The following AFAP1 variants were observed in gnomAD, a reference collection of about 807,000 sequenced individuals.
AFAP1 encodes actin filament associated protein 1, also known as actin filament-associated protein 1.
AFAP1 carries 75 observed loss-of-function variants against 93.9 expected under a neutral mutation model. The observed-to-expected ratio is 0.80, with a 90% CI of 0.66 to 0.97. The LOEUF is 0.97. Among genes scored for constraint, AFAP1 ranks in the 50% least tolerant of loss-of-function variants. AFAP1 has a pLI of 0.00. For synonymous variants in AFAP1, 517 were observed against 430.7 expected, an observed-to-expected ratio of 1.20 and a Z score of -2.48; for missense variants, 1,201 against 1,050.8, an observed-to-expected ratio of 1.14 and a Z score of -1.98.
intron 3 of AFAP1, 60 bp downstream of exon 3, chr4:7,868,562 G>C: frequency 1.3e-6 from 2 of 1,490,264 alleles, no homozygotes. Context: ...GGCCCCTGGA[G>C]CCCGTAAGTA....
chr4:7,919,301 T>C (rs951409141), intron 1 of AFAP1, among the ~76,000 whole-genome samples: 2 of 152,228 alleles, frequency 1.3e-5, no homozygotes, highest in African/African-American at 2.4e-5. Flanking sequence ...GCCACAATCC[T>C]AGCAGCACGC....
At chr4:7,811,417 C>T (rs980979111) in intron 8 of AFAP1, among the ~76,000 whole-genome samples, 20 of 152,122 alleles carry the variant, frequency 1.3e-4, no homozygotes, top group African/African-American at 4.6e-4. Context: ...CTCCTAAACC[C>T]TTCCTCTGCA....
chr4:7,775,736 G>A (rs1274266012), intron 14 of AFAP1: 2 of 152,220 alleles, frequency 1.3e-5, no homozygotes, highest in African/African-American at 2.4e-5. Flanking sequence ...AACAGGGCAC[G>A]AATCCCTCTG....
At chr4:7,862,301 C>T (rs544408767) in intron 3 of AFAP1, 86 of 151,758 alleles carry the variant, frequency 5.7e-4, no homozygotes, top group African/African-American at 1.9e-3. Flanking sequence ...CCACTGCACT[C>T]CAGCCTAAGC....
chr4:7,798,293 G>T (rs113128565), intron 10 of AFAP1, among the ~76,000 whole-genome samples: 1 of 127,260 alleles, frequency 7.9e-6, no homozygotes, highest in African/African-American at 3.1e-5. Flanking sequence ...GCTGGCTCAC[G>T]GCATTGCAAC....
chr4:7,899,620 A>G (rs1387066306), intron 1 of AFAP1, among the ~76,000 whole-genome samples: 1 of 152,166 alleles, frequency 6.6e-6, no homozygotes, highest in Non-Finnish European at 1.5e-5. Flanking sequence ...CTCTGATAAC[A>G]TCTCTTCCAT....
intron 6 of AFAP1, among the ~76,000 whole-genome samples, chr4:7,831,476 T>A (rs1031312227): frequency 1.3e-5 from 2 of 152,028 alleles, no homozygotes; most frequent in African/African-American, 4.8e-5. Context: ...GTGCCTCTGA[T>A]CTATAAGTAG....
At chr4:7,838,483 T>G in intron 6 of AFAP1, 41 bp downstream of exon 6, 1 of 1,568,390 alleles carries the variant, frequency 6.4e-7, no homozygotes. Flanking sequence ...CAGAAAGGCA[T>G]GTGGAACTGA....
intron 3 of AFAP1, among the ~76,000 whole-genome samples, chr4:7,859,019 C>G (rs1715382887): frequency 6.6e-6 from 1 of 152,240 alleles, no homozygotes; most frequent in South Asian, 2.1e-4. Context: ...TCACTCAACT[C>G]TCCGTCACTA....
chr4:7,906,781 G>A (rs1306240598), intron 1 of AFAP1, among the ~76,000 whole-genome samples: 2 of 152,220 alleles, frequency 1.3e-5, no homozygotes, highest in Admixed American at 6.5e-5. Flanking sequence ...AGCACTTTGG[G>A]AAGCCAAGGC....
At chr4:7,833,002 T>A (rs982448395) in intron 6 of AFAP1, among the ~76,000 whole-genome samples, 3 of 152,034 alleles carry the variant, frequency 2.0e-5, no homozygotes, top group African/African-American at 7.3e-5. Flanking sequence ...AAAAACCAAC[T>A]CAAGATGGAT....
At chr4:7,882,518 A>T (rs1419794855) in intron 1 of AFAP1, among the ~76,000 whole-genome samples, 1 of 152,180 alleles carries the variant, frequency 6.6e-6, no homozygotes, top group Non-Finnish European at 1.5e-5. Context: ...AAATTTTAGC[A>T]AACAGAAGCC....
At chr4:7,878,273 G>T (rs564203994) in intron 1 of AFAP1, among the ~76,000 whole-genome samples, 14 of 152,128 alleles carry the variant, frequency 9.2e-5, no homozygotes, top group Non-Finnish European at 1.8e-4. Context: ...GCAGGTGTAG[G>T]ACACCCACGT....
At chr4:7,898,205 T>C (rs1718898399) in intron 1 of AFAP1, among the ~76,000 whole-genome samples, 1 of 151,852 alleles carries the variant, frequency 6.6e-6, no homozygotes, top group Non-Finnish European at 1.5e-5. Context: ...AGGTCAGGAG[T>C]TCGAGACCAG....
intron 9 of AFAP1, among the ~76,000 whole-genome samples, chr4:7,806,678 T>C (rs1280065514): frequency 6.6e-6 from 1 of 151,824 alleles, no homozygotes; most frequent in Non-Finnish European, 1.5e-5. Flanking sequence ...CCCCTTTATT[T>C]TTCTAAAAGC....
In AFAP1 at chr4:7,828,244, G is replaced by A. The variant is rs1157481982; in HGVS notation, c.727-9073C>T. 3.3e-5 allele frequency among the ~76,000 whole-genome samples: 5 copies of A among 152,222 alleles called. No individual in the cohort carries two copies. The East Asian group carries it at 5.8e-4, about 18-fold the overall frequency. ...CAAGATGCTAAGAAATCCCTATAGC[G>A]TCGCCCCCACGCCCCCCGGCTGGCT... On this transcript the variant is annotated intron_variant, in intron 6 of 17. Coordinates refer to ENST00000420658, the MANE Select transcript of AFAP1 (RefSeq NM_001134647.2).
chr4:7,930,985 C>T (rs1285953624), intron 1 of AFAP1, among the ~76,000 whole-genome samples: 1 of 152,164 alleles, frequency 6.6e-6, no homozygotes, highest in Non-Finnish European at 1.5e-5. Flanking sequence ...CTCCTGGCCT[C>T]AAGTGATCTG....
intron 1 of AFAP1, among the ~76,000 whole-genome samples, chr4:7,938,475 T>C (rs1721521311): frequency 6.6e-6 from 1 of 152,178 alleles, no homozygotes; most frequent in South Asian, 2.1e-4. Flanking sequence ...GATTCCACTT[T>C]CTTTGGTGGC....
chr4:7,775,023 C>T, intron 14 of AFAP1, 120 bp from the exon 15 acceptor site: 2 of 1,217,638 alleles, frequency 1.6e-6, no homozygotes, highest in South Asian at 1.5e-5. Context: ...TGCCTATAGT[C>T]CCAGCTACTC....
Sources: gnomAD v4.1 joint callset for allele counts (sites outside exome capture counted in the v4.1 genomes callset) on GRCh38, gnomAD v4.1.1 for gene constraint, MANE v1.5 for transcripts, NCBI Gene and HGNC (gene_info 2026-07-23, HGNC 2026-07-21) for gene names.